The following TMTC2 variants were observed in gnomAD, a reference collection of about 807,000 sequenced individuals.
TMTC2 encodes the protein transmembrane O-mannosyltransferase targeting cadherins 2, also known as protein O-mannosyl-transferase TMTC2.
Under a neutral mutation model 82.4 loss-of-function variants are expected in TMTC2, and 43 were observed. The observed-to-expected ratio is 0.52, with a 90% CI of 0.41 to 0.67. The LOEUF (loss-of-function observed/expected upper bound fraction) is 0.67, where lower values mean the gene tolerates loss of function less well. Ranked by LOEUF, TMTC2 falls within the 30% of genes least tolerant of loss-of-function variation. The probability of loss-of-function intolerance (pLI) is 0.00; values close to 1 mark genes in which losing one functional copy is unlikely to be tolerated. For synonymous variants in TMTC2, 408 were observed against 381.9 expected, an observed-to-expected ratio of 1.07 and a Z score of -0.80; for missense variants, 919 against 1,012.4, an observed-to-expected ratio of 0.91 and a Z score of 1.25.
At position 82,738,721 on chromosome 12, in the gene TMTC2, A is replaced by T. The variant is rs973381536; in HGVS notation, c.83+51052A>T. Among the ~76,000 whole-genome samples, 10 of 152,246 alleles carry T rather than the reference A, an allele frequency of 6.6e-5. No homozygotes were observed. The East Asian group carries it at 1.9e-3, about 29-fold the overall frequency. Reference sequence around the variant, plus strand: ...ATTGTTTGCCACCAAATATTTAAAAATTTTGAGGCAATAGTGTCAAACCAG... The same window carrying T: ...ATTGTTTGCCACCAAATATTTAAAATTTTTGAGGCAATAGTGTCAAACCAG... On this transcript the variant is annotated intron_variant, in intron 1 of 11. Coordinates refer to ENST00000321196, the MANE Select transcript of TMTC2 (RefSeq NM_152588.3).
At chr12:82,734,050 GTGTT>G (rs1874965267) in intron 1 of TMTC2, among the ~76,000 whole-genome samples, 1 of 152,186 alleles carries the variant, frequency 6.6e-6, no homozygotes, top group Non-Finnish European at 1.5e-5. Flanking sequence ...TGTCAACTCT[GTGTT>G]TATAATGTGC....
At chr12:82,784,219 A>C (rs1592519328) in intron 1 of TMTC2, among the ~76,000 whole-genome samples, 1 of 152,118 alleles carries the variant, frequency 6.6e-6, no homozygotes, top group Non-Finnish European at 1.5e-5. Context: ...ATGTGACAGA[A>C]ATAGAAGTTC....
At chr12:83,087,269 G>T (rs540470209) in intron 11 of TMTC2, among the ~76,000 whole-genome samples, 1 of 152,274 alleles carries the variant, frequency 6.6e-6, no homozygotes, top group East Asian at 1.9e-4. Context: ...TCAGGGTCCA[G>T]TTCTAATTCT....
At chr12:83,080,183 A>G (rs1330490271) in intron 11 of TMTC2, among the ~76,000 whole-genome samples, 1 of 152,194 alleles carries the variant, frequency 6.6e-6, no homozygotes, top group Non-Finnish European at 1.5e-5. Context: ...ATAGTACCAC[A>G]TCATTACTTT....
At chr12:82,892,252 AAT>A (rs1280732716) in intron 2 of TMTC2, among the ~76,000 whole-genome samples, 2 of 152,150 alleles carry the variant, frequency 1.3e-5, no homozygotes, top group African/African-American at 4.8e-5. Context: ...TACATAAATT[AAT>A]GTTTGTTAGC....
intron 1 of TMTC2, among the ~76,000 whole-genome samples, chr12:82,772,055 G>GT (rs1877343135): frequency 6.6e-6 from 1 of 152,102 alleles, no homozygotes; most frequent in Non-Finnish European, 1.5e-5. Context: ...GTGTGTGTAT[G>GT]TTTTTTTCTT....
intron 2 of TMTC2, among the ~76,000 whole-genome samples, chr12:82,890,639 G>C (rs1197673228): frequency 6.6e-6 from 1 of 152,072 alleles, no homozygotes; most frequent in Non-Finnish European, 1.5e-5. Context: ...TTGGACTGGG[G>C]CATTAGTTTT....
chr12:82,834,853 G>A (rs1162596359), intron 1 of TMTC2, among the ~76,000 whole-genome samples: 11 of 151,882 alleles, frequency 7.2e-5, no homozygotes, highest in Non-Finnish European at 1.5e-5. Context: ...CACATAAGCT[G>A]TAATTCATAG....
At chr12:82,999,442 T>C (rs892648732) in intron 8 of TMTC2, among the ~76,000 whole-genome samples, 2 of 152,192 alleles carry the variant, frequency 1.3e-5, no homozygotes, top group Non-Finnish European at 2.9e-5. Flanking sequence ...GAGTTCCCCA[T>C]TGTAAAGACA....
At chr12:82,741,295 T>G (rs1875392189) in intron 1 of TMTC2, among the ~76,000 whole-genome samples, 1 of 152,158 alleles carries the variant, frequency 6.6e-6, no homozygotes. Flanking sequence ...ACAGCTCAGA[T>G]GTAGAGAAAA....
At chr12:82,971,250 T>G (rs1254186869) in intron 7 of TMTC2, among the ~76,000 whole-genome samples, 1 of 152,152 alleles carries the variant, frequency 6.6e-6, no homozygotes, top group Non-Finnish European at 1.5e-5. Flanking sequence ...TGCTTAGTCC[T>G]TCTGTGTTAC....
Position 82,794,079 on chromosome 12 carries a change from A to G in TMTC2, c.84-62931A>G, listed in dbSNP as rs914413363. Among the ~76,000 whole-genome samples the G allele has an allele frequency of 2.6e-5, 4 of 152,042 alleles. No individual in the cohort carries two copies. The South Asian group carries it at 6.2e-4, about 24-fold the overall frequency. On this transcript the variant is annotated intron_variant, in intron 1 of 11. Transcript: ENST00000321196. The stretch of plus-strand genomic sequence containing the variant: ...AGGGTGCTTCAGTCACTCACTTGTG[A>G]CTGTTCACTTATTTGCCCAGGCTCT...
chr12:82,983,350 TAATATTTTCTTATCTC>T lies in TMTC2; in HGVS notation c.1949-2572_1949-2557del, dbSNP rs551410359. Among the ~76,000 whole-genome samples, 657 of 152,142 alleles carry T rather than the reference TAATATTTTCTTATCTC, an allele frequency of 4.3e-3. 5 individuals carry two copies. The highest frequency in any genetic ancestry group is 0.015 in the African/African-American group (630 of 41,558). On this transcript the variant is annotated intron_variant, in intron 7 of 11. Transcript: ENST00000321196. ...ATTACATTACTCATTTATAGCCCTT[TAATATTTTCTTATCTC>T]AAAGCTTTACAAATTATTAAGTTGC...
At chr12:83,051,324 A>G (rs79292166) in intron 10 of TMTC2, among the ~76,000 whole-genome samples, 10,724 of 151,660 alleles carry the variant, frequency 0.071, 434 homozygotes, top group Middle Eastern at 0.095. Flanking sequence ...CTCATCAGCT[A>G]TTATTAGTGT....
chr12:82,700,103 G>A (rs537391188), intron 1 of TMTC2, among the ~76,000 whole-genome samples: 1 of 152,238 alleles, frequency 6.6e-6, no homozygotes, highest in East Asian at 1.9e-4. Flanking sequence ...ATCTGAGAGA[G>A]GTCCTAGAAC....
chr12:82,889,267 C>CAA (rs1273833107), intron 2 of TMTC2, among the ~76,000 whole-genome samples: 18 of 87,294 alleles, frequency 2.1e-4, no homozygotes, highest in Non-Finnish European at 1.2e-4. Context: ...ACAGAGTCTC[C>CAA]AAAAAAAAAA....
chr12:82,842,292 G>A (rs1870382755), intron 1 of TMTC2, among the ~76,000 whole-genome samples: 1 of 152,200 alleles, frequency 6.6e-6, no homozygotes, highest in Non-Finnish European at 1.5e-5. Context: ...TGACACTAGT[G>A]TTTTATTGTG....
chr12:83,048,199 G>A (rs561781661), intron 9 of TMTC2, among the ~76,000 whole-genome samples: 1 of 152,216 alleles, frequency 6.6e-6, no homozygotes, highest in African/African-American at 2.4e-5. Context: ...GAAGGATGGG[G>A]TTAGCCTGGC....
intron 1 of TMTC2, among the ~76,000 whole-genome samples, chr12:82,807,109 C>T (rs1289269510): frequency 2.0e-5 from 3 of 152,052 alleles, no homozygotes; most frequent in South Asian, 4.1e-4. Flanking sequence ...CAGAAATATT[C>T]GGAGATATTA....
Sources: allele counts gnomAD v4.1 joint callset (sites outside exome capture counted in the v4.1 genomes callset), GRCh38; gene constraint gnomAD v4.1.1; transcripts MANE v1.5; gene names NCBI Gene and HGNC (gene_info 2026-07-23, HGNC 2026-07-21).